Variants in DISP1 observed in about 807,000 individuals in gnomAD.
DISP1 encodes dispatched RND transporter family member 1.
Under a neutral mutation model 37.3 loss-of-function variants are expected in DISP1, and 30 were observed. That is an observed-to-expected ratio of 0.80 (90% CI 0.60 to 1.09). The LOEUF (loss-of-function observed/expected upper bound fraction) is 1.09, where lower values mean the gene tolerates loss of function less well. DISP1 is among the 50% of genes least tolerant of loss of function. The pLI, the probability that DISP1 is intolerant of heterozygous loss-of-function variation, is 0.00. For synonymous variants in DISP1, 634 were observed against 690.2 expected (o/e 0.92, Z 1.28); for missense variants, 1,598 against 1,879.5 (o/e 0.85, Z 2.77).
chr1:222,989,383 G>C (rs185849890), intron 4 of DISP1: 1 of 985,406 alleles, frequency 1.0e-6, no homozygotes, highest in Admixed American at 6.1e-5. Flanking sequence ...TTTGCAGGAT[G>C]CATTTTGAAT....
chr1:223,005,174 T>C lies in DISP1; in HGVS notation c.3777T>C (p.His1259=), dbSNP rs754203843. The change falls in exon 9 of 9, where the codon CAT becomes CAC. Residue 1259 remains histidine (H), a synonymous_variant. Coordinates refer to ENST00000675850, the MANE Select transcript of DISP1 (RefSeq NM_001377229.1). The part of the protein sequence containing the change: ...SALLQPPLEQ[H]TVCHFFSLNQ... ...TGTTACAGCCCCCTCTTGAACAGCA[T>C]ACCGTGTGTCACTTCTTCTCTCTGA... The C allele has an allele frequency of 1.2e-6, 2 of 1,614,186 alleles. No individual in the cohort carries two copies.
intron 1 of DISP1, among the ~76,000 whole-genome samples, chr1:222,862,475 A>G (rs945290012): frequency 1.3e-5 from 2 of 151,870 alleles, no homozygotes; most frequent in African/African-American, 2.4e-5. Context: ...TAACATTGAT[A>G]TAATATTTTC....
intron 1 of DISP1, among the ~76,000 whole-genome samples, chr1:222,911,043 A>T (rs1399276350): frequency 6.6e-6 from 1 of 152,220 alleles, no homozygotes; most frequent in Non-Finnish European, 1.5e-5. Flanking sequence ...TAAATGAGCA[A>T]CATATGTATC....
At chr1:222,891,777 G>A (rs1284156607) in intron 1 of DISP1, among the ~76,000 whole-genome samples, 1 of 152,086 alleles carries the variant, frequency 6.6e-6, no homozygotes, top group Non-Finnish European at 1.5e-5. Flanking sequence ...AGTACAACAG[G>A]TTATAGAATA....
intron 1 of DISP1, among the ~76,000 whole-genome samples, chr1:222,870,283 A>C (rs1015670842): frequency 1.2e-4 from 19 of 152,354 alleles, no homozygotes; most frequent in African/African-American, 4.3e-4. Flanking sequence ...AGCATGATTT[A>C]TAATCCTTTG....
intron 1 of DISP1, among the ~76,000 whole-genome samples, chr1:222,894,383 G>A (rs868629121): frequency 3.9e-5 from 6 of 152,110 alleles, no homozygotes; most frequent in South Asian, 2.1e-4. Context: ...GTGCCCCCTC[G>A]GGCTCCCTCC....
chr1:222,894,556 G>T (rs1032874480), intron 1 of DISP1, among the ~76,000 whole-genome samples: 2 of 152,232 alleles, frequency 1.3e-5, no homozygotes, highest in Non-Finnish European at 2.9e-5. Flanking sequence ...CAGGGAGCAG[G>T]GGGAGGCCAG....
chr1:222,877,081 C>T (rs913356042), intron 1 of DISP1, among the ~76,000 whole-genome samples: 1 of 152,140 alleles, frequency 6.6e-6, no homozygotes, highest in Non-Finnish European at 1.5e-5. Flanking sequence ...TCTGCTTCTT[C>T]GTGATTCTGG....
At chr1:222,986,653 G>T (rs1275753467) in intron 4 of DISP1, among the ~76,000 whole-genome samples, 1 of 152,166 alleles carries the variant, frequency 6.6e-6, no homozygotes, top group Non-Finnish European at 1.5e-5. Flanking sequence ...TGCTACTTCT[G>T]TTCCTTCTTC....
chr1:222,997,847 A>G (rs561485507), intron 8 of DISP1, among the ~76,000 whole-genome samples: 1 of 152,266 alleles, frequency 6.6e-6, no homozygotes, highest in South Asian at 2.1e-4. Context: ...TGAGAATTTG[A>G]GAAACAGACT....
At chr1:222,936,764 A>ATATATATGATATATAT (rs1166465893) in intron 2 of DISP1, among the ~76,000 whole-genome samples, 1 of 50,834 alleles carries the variant, frequency 2.0e-5, no homozygotes, top group African/African-American at 7.4e-5. Context: ...ATGATATATA[A>ATATATATGATATATAT]AAATTATATA....
At chr1:222,872,798 T>C (rs540874230) in intron 1 of DISP1, among the ~76,000 whole-genome samples, 34 of 152,334 alleles carry the variant, frequency 2.2e-4, no homozygotes, top group African/African-American at 7.9e-4. Flanking sequence ...ATCTTAGTTA[T>C]TTCTTGCCTT....
intron 1 of DISP1, among the ~76,000 whole-genome samples, chr1:222,865,227 A>G (rs1669117227): frequency 6.6e-6 from 1 of 152,108 alleles, no homozygotes; most frequent in African/African-American, 2.4e-5. Flanking sequence ...ATGCATTATA[A>G]CTTATGGTAT....
At chr1:222,903,060 A>G (rs1671688480) in intron 1 of DISP1, among the ~76,000 whole-genome samples, 1 of 151,978 alleles carries the variant, frequency 6.6e-6, no homozygotes, top group Non-Finnish European at 1.5e-5. Context: ...CCAAATGTCC[A>G]ACAATGATAG....
intron 1 of DISP1, among the ~76,000 whole-genome samples, chr1:222,897,682 T>A (rs1382152666): frequency 6.6e-6 from 1 of 152,140 alleles, no homozygotes; most frequent in East Asian, 1.9e-4. Flanking sequence ...CACCTAATAG[T>A]TGTGGTTAAA....
rs1444125840 is a variant in DISP1, at chr1:222,901,324, A to C, written c.-158-27106A>C. ...AAGAGAAAGTATTAACAGTGACTAG[A>C]GACAAAAAATAGGTTTTCTACCAAG... On this transcript the variant is annotated intron_variant, in intron 1 of 8. Coordinates refer to ENST00000675850, the MANE Select transcript of DISP1 (RefSeq NM_001377229.1). Among the ~76,000 whole-genome samples, 7 of 152,302 alleles carry C rather than the reference A, an allele frequency of 4.6e-5. No individual in the cohort carries two copies. In the East Asian group the frequency reaches 7.7e-4, roughly 17 times the overall value.
Position 223,005,565 on chromosome 1 carries a change from G to A in DISP1, c.4168G>A (p.Glu1390Lys). The change falls in exon 9 of 9, where the codon GAG becomes AAG. Residue 1390 changes from glutamate (E) to lysine (K), a missense_variant. By Grantham distance (56) the Glu-to-Lys change is moderately conservative. Coordinates refer to ENST00000675850, the MANE Select transcript of DISP1 (RefSeq NM_001377229.1). ...AGAAGAGCATCTTCCAAAGATGGCAGAGCCATCGTCATTTGTCTGCAGAAG... is the reference window on the plus strand; with the variant it reads ...AGAAGAGCATCTTCCAAAGATGGCAAAGCCATCGTCATTTGTCTGCAGAAG... ...SIEEHLPKMA[E>K]PSSFVCRSTG... 1.2e-6 allele frequency: 2 copies of A among 1,614,166 alleles called. No individual in the cohort carries two copies. The highest frequency in any genetic ancestry group is 2.2e-5 in the South Asian group (2 of 91,082).
chr1:222,836,112 C>G (rs997315850), intron 1 of DISP1, among the ~76,000 whole-genome samples: 6 of 152,136 alleles, frequency 3.9e-5, no homozygotes, highest in African/African-American at 1.4e-4. Flanking sequence ...TGAGGGCACA[C>G]TTGGTACTAG....
chr1:222,827,170 C>T (rs1441358417), intron 1 of DISP1: 2 of 152,150 alleles, frequency 1.3e-5, no homozygotes, highest in South Asian at 2.1e-4. Context: ...TAGAGACAAA[C>T]AGTTAAAGCA....
Sources: allele counts gnomAD v4.1 joint callset (sites outside exome capture counted in the v4.1 genomes callset), GRCh38; gene constraint gnomAD v4.1.1; transcripts MANE v1.5; gene names NCBI Gene and HGNC (gene_info 2026-07-23, HGNC 2026-07-21).